GLRB: variants seen among roughly 807,000 people sequenced by gnomAD.
GLRB encodes glycine receptor subunit beta.
A neutral mutation model predicts 54.2 loss-of-function variants in GLRB; 33 were observed. The ratio of observed to expected loss-of-function variants is 0.61; its 90% CI spans 0.46 to 0.81. GLRB has a LOEUF of 0.81. Ranked by LOEUF, GLRB falls within the 40% of genes least tolerant of loss-of-function variation. The pLI is 0.00. For synonymous variants in GLRB, 209 were observed against 208.2 expected, an observed-to-expected ratio of 1.00 and a Z score of -0.03; for missense variants, 572 against 584.6, an observed-to-expected ratio of 0.98 and a Z score of 0.22.
chr4:157,094,586 C>T (rs180702939), intron 2 of GLRB, among the ~76,000 whole-genome samples: 1 of 152,064 alleles, frequency 6.6e-6, no homozygotes, highest in East Asian at 1.9e-4. Context: ...GCCTAAAGGC[C>T]AAAAGAGGGT....
chr4:157,106,242 TA>T (rs977700719), intron 2 of GLRB, among the ~76,000 whole-genome samples: 1 of 152,148 alleles, frequency 6.6e-6, no homozygotes, highest in African/African-American at 2.4e-5. Context: ...GGATGTATGA[TA>T]TTTTTTGCAG....
In GLRB at chr4:157,169,701, T is replaced by C. The variant is rs71607139; in HGVS notation, c.1198-731T>C. On this transcript the variant is annotated intron_variant, in intron 9 of 9. Transcript: ENST00000264428. ...GGACCCTTGCAGTTCAAACCCATGT[T>C]GTAACTGTAATTATTTTATATATTA... 2.6e-5 allele frequency among the ~76,000 whole-genome samples: 4 copies of C among 152,150 alleles called. No homozygotes were observed. The South Asian group carries it at 8.3e-4, about 31-fold the overall frequency.
At chr4:157,131,244 G>A (rs1055056077) in intron 4 of GLRB, among the ~76,000 whole-genome samples, 1 of 151,520 alleles carries the variant, frequency 6.6e-6, no homozygotes, top group Non-Finnish European at 1.5e-5. Context: ...AACTTGGGAT[G>A]TTTTTTCTTA....
intron 8 of GLRB, 132 bp downstream of exon 8, chr4:157,144,091 CT>C (rs966562367): frequency 4.6e-6 from 4 of 877,328 alleles, no homozygotes; most frequent in Non-Finnish European, 7.4e-6. Context: ...TAAAGACTTT[CT>C]TCAAAACTTG....
At chr4:157,161,823 C>G (rs1312891815) in intron 9 of GLRB, among the ~76,000 whole-genome samples, 1 of 152,146 alleles carries the variant, frequency 6.6e-6, no homozygotes, top group Non-Finnish European at 1.5e-5. Context: ...AGTTGCTCTT[C>G]TCGTGGAGTA....
intron 4 of GLRB, among the ~76,000 whole-genome samples, chr4:157,131,028 T>C (rs1354504325): frequency 6.8e-6 from 1 of 146,836 alleles, no homozygotes; most frequent in East Asian, 1.9e-4. Context: ...GGCATAGTCT[T>C]GAAGAATTTT....
chr4:157,098,389 A>C (rs1398560939), intron 2 of GLRB, among the ~76,000 whole-genome samples: 1 of 152,180 alleles, frequency 6.6e-6, no homozygotes, highest in Non-Finnish European at 1.5e-5. Flanking sequence ...GAATGCTCTG[A>C]TTGTAAGATC....
intron 2 of GLRB, among the ~76,000 whole-genome samples, chr4:157,093,670 G>A (rs987701458): frequency 1.3e-5 from 2 of 149,316 alleles, no homozygotes; most frequent in African/African-American, 2.5e-5. Context: ...CAGAAGAATC[G>A]CTTGAACCCG....
At chr4:157,103,245 A>C (rs1404709443) in intron 2 of GLRB, among the ~76,000 whole-genome samples, 2 of 152,008 alleles carry the variant, frequency 1.3e-5, no homozygotes, top group Non-Finnish European at 2.9e-5. Flanking sequence ...GCCCAAAACC[A>C]GTCCATGGCC....
chr4:157,124,200 T>G (rs1296622780), intron 4 of GLRB, among the ~76,000 whole-genome samples: 2 of 151,818 alleles, frequency 1.3e-5, no homozygotes, highest in Non-Finnish European at 2.9e-5. Context: ...TAGCCAAGAA[T>G]AACTTATCCT....
chr4:157,144,557 G>A (rs940211807), intron 8 of GLRB, among the ~76,000 whole-genome samples: 4 of 152,150 alleles, frequency 2.6e-5, no homozygotes, highest in African/African-American at 9.7e-5. Flanking sequence ...TTTGCTTAAG[G>A]AAATAAGCAA....
intron 4 of GLRB, among the ~76,000 whole-genome samples, chr4:157,130,756 G>A (rs1026036226): frequency 6.6e-6 from 1 of 151,494 alleles, no homozygotes; most frequent in Admixed American, 6.6e-5. Flanking sequence ...ATTTTTGGGG[G>A]TATATACCTA....
chr4:157,138,657 T>C (rs1393701134), intron 6 of GLRB, 152 bp from the exon 7 acceptor site: 2 of 568,410 alleles, frequency 3.5e-6, no homozygotes, highest in East Asian at 5.9e-5. Context: ...TTAGTGACCA[T>C]GGGTTTTACC....
chr4:157,109,759 G>A (rs1016152092), intron 2 of GLRB, among the ~76,000 whole-genome samples: 3 of 151,968 alleles, frequency 2.0e-5, no homozygotes, highest in Admixed American at 1.3e-4. Context: ...TGCTAGAGCA[G>A]CTCACAGAGC....
intron 2 of GLRB, among the ~76,000 whole-genome samples, chr4:157,117,799 A>G (rs1735659762): frequency 6.6e-6 from 1 of 151,728 alleles, no homozygotes; most frequent in Admixed American, 6.6e-5. Context: ...AACTACAGAT[A>G]TATAGAAGCC....
chr4:157,116,052 T>TA (rs979604358), intron 2 of GLRB, among the ~76,000 whole-genome samples: 5 of 151,190 alleles, frequency 3.3e-5, no homozygotes, highest in East Asian at 2.0e-4. Context: ...AAGGGTCATG[T>TA]AAAAAAAAAG....
chr4:157,156,735 G>C (rs1418432542), intron 9 of GLRB, among the ~76,000 whole-genome samples: 5 of 152,008 alleles, frequency 3.3e-5, no homozygotes, highest in Non-Finnish European at 7.4e-5. Flanking sequence ...TTTTTATCAT[G>C]AATGTTGTAA....
intron 4 of GLRB, among the ~76,000 whole-genome samples, chr4:157,130,559 CAT>C (rs780309244): frequency 3.3e-5 from 5 of 151,562 alleles, no homozygotes; most frequent in Admixed American, 1.3e-4. Flanking sequence ...CATGCTGTAA[CAT>C]GTGTCAGAAT....
intron 7 of GLRB, among the ~76,000 whole-genome samples, chr4:157,143,559 A>T (rs756219730): frequency 7.2e-5 from 11 of 152,196 alleles, no homozygotes; most frequent in Non-Finnish European, 1.2e-4. Context: ...GACACAGTAG[A>T]GCAGCATGTG....
Sources: allele counts gnomAD v4.1 joint callset (sites outside exome capture counted in the v4.1 genomes callset), GRCh38; gene constraint gnomAD v4.1.1; transcripts MANE v1.5; gene names NCBI Gene and HGNC (gene_info 2026-07-23, HGNC 2026-07-21).